The following CHMP6 variants were observed in gnomAD, a reference collection of about 807,000 sequenced individuals.
CHMP6 encodes chromatin-modifying protein 6.
In CHMP6, 10 loss-of-function variants were observed where a neutral mutation model predicts 32.8. That is an observed-to-expected ratio of 0.30 (90% CI 0.19 to 0.52). CHMP6 has a LOEUF of 0.52. Ranked by LOEUF, CHMP6 falls within the 20% of genes least tolerant of loss-of-function variation. The pLI, the probability that CHMP6 is intolerant of heterozygous loss-of-function variation, is 0.97. For missense variants in CHMP6, 269 were observed against 263.8 expected (o/e 1.02, Z -0.14); for synonymous variants, 123 against 105.8 (o/e 1.16, Z -1.00).
chr17:80,991,857 T>C lies in CHMP6; in HGVS notation c.-62T>C, dbSNP rs1480936411. ...CGTAGCGGGAGGACCCGAGCTACGGTGGCCGCGGGGCGGCGGTGGCGATTG... is the reference window on the plus strand; with the variant it reads ...CGTAGCGGGAGGACCCGAGCTACGGCGGCCGCGGGGCGGCGGTGGCGATTG... On this transcript the variant is annotated 5_prime_UTR_variant, in exon 1 of 8. Transcript: ENST00000325167. 6 of 1,280,838 alleles carry C rather than the reference T, an allele frequency of 4.7e-6. No individual in the cohort carries two copies. Among genetic ancestry groups the C allele is most frequent in the Non-Finnish European group, 6.0e-6 (6 of 992,536 alleles). 79.3% of individuals were successfully genotyped at this position (1,280,838 alleles called of 1,614,324 possible). A position where few individuals can be genotyped will look rare whatever the true frequency, so the allele number is the denominator to read the frequency against.
At chr17:80,992,669 G>C (rs961555028) in intron 1 of CHMP6, among the ~76,000 whole-genome samples, 6 of 152,184 alleles carry the variant, frequency 3.9e-5, no homozygotes, top group Admixed American at 1.3e-4. Flanking sequence ...TGACCCCCCG[G>C]GGCACAGCCG....
intron 3 of CHMP6, 21 bp downstream of exon 3, chr17:80,995,127 C>T (rs770049765): frequency 6.3e-7 from 1 of 1,584,716 alleles, no homozygotes; most frequent in Non-Finnish European, 8.6e-7. Flanking sequence ...GGGTGCTTCG[C>T]CCTGGAGTGC....
chr17:80,999,116 C>A lies in CHMP6; in HGVS notation c.569C>A (p.Ala190Asp), dbSNP rs149377306. The A allele has an allele frequency of 1.4e-4, 221 of 1,613,954 alleles. 1 individual carries two copies. In the African/African-American group the frequency reaches 2.9e-3, roughly 21 times the overall value. The part of the protein sequence containing the change: ...EKIPENVPVK[A>D]RPRQAELVAA... ...TCCACAGAAAACGTCCCTGTCAAGG[C>A]CAGGCCCAGGCAGGCGGAGCTGGTG... The change falls in exon 8 of 8, where the codon GCC (alanine) becomes GAC (aspartate). Residue 190 changes from alanine (A) to aspartate (D), a missense_variant. Ala to Asp is a moderately radical substitution (Grantham distance 126, BLOSUM62 -2). Transcript: ENST00000325167.
At position 80,999,347 on chromosome 17, in the gene CHMP6, A is replaced by G; in HGVS notation, c.*194A>G. The G allele has an allele frequency of 1.7e-6, 1 of 580,938 alleles. No individual in the cohort carries two copies. The highest frequency in any genetic ancestry group is 3.1e-6 in the Non-Finnish European group (1 of 326,442). The allele number at this position is 580,938 out of a possible 1,614,324, so 36.0% of individuals were successfully genotyped here. A position where few individuals can be genotyped will look rare whatever the true frequency, so the allele number is the denominator to read the frequency against. ...GGAGACCTTGAGCCTGAACGCACTC[A>G]GGCGCCACTGGCCTGCTCTCAGTCC... On this transcript the variant is annotated 3_prime_UTR_variant, in exon 8 of 8. Transcript: ENST00000325167.
At chr17:80,994,267 C>T (rs533863903) in intron 1 of CHMP6, among the ~76,000 whole-genome samples, 2 of 152,332 alleles carry the variant, frequency 1.3e-5, no homozygotes, top group South Asian at 2.1e-4. Flanking sequence ...GCCTAGAGTG[C>T]TTGTACCGCT....
At chr17:80,993,728 A>G (rs1167395676) in intron 1 of CHMP6, among the ~76,000 whole-genome samples, 2 of 152,202 alleles carry the variant, frequency 1.3e-5, no homozygotes, top group Non-Finnish European at 2.9e-5. Flanking sequence ...GACGGCACAC[A>G]GATGAGAGGC....
At chr17:80,992,092 G>GA (rs2069597199) in intron 1 of CHMP6, 111 bp downstream of exon 1, 1 of 707,556 alleles carries the variant, frequency 1.4e-6, no homozygotes, top group Admixed American at 4.7e-5. Context: ...TTCGGATGGG[G>GA]AAACTGAGGC....
chr17:80,995,699 G>C lies in CHMP6; in HGVS notation c.289G>C (p.Glu97Gln). The change falls in exon 4 of 8, where the codon GAA (glutamate) becomes CAA (glutamine). Residue 97 changes from glutamate (E) to glutamine (Q), a missense_variant. Glu to Gln is a conservative substitution (Grantham distance 29). Transcript: ENST00000325167. ...MVQSIEFTQI[E>Q]MKVMEGLQFG... ...TCAGAGTATTGAGTTCACCCAGATC[G>C]AAATGAAAGTGATGGAGGGGCTGCA... is the stretch of plus-strand genomic sequence containing the variant. 1.1e-5 allele frequency: 17 copies of C among 1,614,072 alleles called. No individual in the cohort carries two copies. The highest frequency in any genetic ancestry group is 1.4e-5 in the Non-Finnish European group (17 of 1,179,952).
intron 6 of CHMP6, 106 bp from the exon 7 acceptor site, chr17:80,998,260 C>T (rs113480001): frequency 4.5e-5 from 60 of 1,334,186 alleles, no homozygotes; most frequent in African/African-American, 4.4e-5. Flanking sequence ...GCTTTAACTC[C>T]GGCTGAGAGC....
rs1128705 is a variant in CHMP6, at chr17:81,000,101, C to G, written c.*948C>G. ...GCGGCCACCTCGACCCCCAGACAGGCCGGCCCGTATTAAAGTTGGCCCTGC... is the reference window on the plus strand; with the variant it reads ...GCGGCCACCTCGACCCCCAGACAGGGCGGCCCGTATTAAAGTTGGCCCTGC... On this transcript the variant is annotated 3_prime_UTR_variant, in exon 8 of 8. Coordinates refer to ENST00000325167, the MANE Select transcript of CHMP6 (RefSeq NM_024591.5). 57,241 of 152,118 alleles carry G rather than the reference C, an allele frequency of 0.38. 11,184 individuals are homozygous for G. The highest frequency in any genetic ancestry group is 0.45 in the Admixed American group (6,916 of 15,288). The allele number at this position is 152,118 out of a possible 1,614,324, so 9.4% of individuals were successfully genotyped here. A position where few individuals can be genotyped will look rare whatever the true frequency, so the allele number is the denominator to read the frequency against.
intron 6 of CHMP6, among the ~76,000 whole-genome samples, chr17:80,997,748 T>C (rs1241486645): frequency 2.0e-5 from 3 of 152,100 alleles, no homozygotes; most frequent in Non-Finnish European, 2.9e-5. Context: ...ACACAGGGGT[T>C]GTCCTCTCTG....
intron 1 of CHMP6, among the ~76,000 whole-genome samples, chr17:80,993,885 G>A (rs1017248834): frequency 6.6e-6 from 1 of 152,128 alleles, no homozygotes; most frequent in Non-Finnish European, 1.5e-5. Flanking sequence ...GGTGGCACTT[G>A]GGTACTCGCC....
In CHMP6 at chr17:80,999,288, A is replaced by G. The variant is rs1568030004; in HGVS notation, c.*135A>G. The G allele has an allele frequency of 1.0e-6, 1 of 965,876 alleles. No homozygotes were observed. The allele number at this position is 965,876 out of a possible 1,614,324, so 59.8% of individuals were successfully genotyped here. ...GTGCTGAGCAGAGCTGCAGCCACGC[A>G]GGCGCATTGCAGGAGGACTCCAGAG... On this transcript the variant is annotated 3_prime_UTR_variant, in exon 8 of 8. Coordinates refer to ENST00000325167, the MANE Select transcript of CHMP6 (RefSeq NM_024591.5).
At chr17:80,996,622 C>T (rs1040889015) in intron 4 of CHMP6, among the ~76,000 whole-genome samples, 1 of 152,226 alleles carries the variant, frequency 6.6e-6, no homozygotes, top group Non-Finnish European at 1.5e-5. Flanking sequence ...AATGTTCTAC[C>T]TGTTGCTTGT....
At position 80,999,184 on chromosome 17, in the gene CHMP6, TGCCCCAGGGACTGTG is replaced by T. The variant is rs1374097580; in HGVS notation, c.*36_*50del. ...CCTCGTCTTGTGGGACTCACGGGGA[TGCCCCAGGGACTGTG>T]GCCCACAGAGAGTTTGGGTCACGGC... On this transcript the variant is annotated 3_prime_UTR_variant, in exon 8 of 8. Coordinates refer to ENST00000325167, the MANE Select transcript of CHMP6 (RefSeq NM_024591.5). 1 of 1,613,080 alleles carries T rather than the reference TGCCCCAGGGACTGTG, an allele frequency of 6.2e-7. No individual in the cohort carries two copies.
chr17:80,995,899 CCAGG>C (rs1340391112), intron 4 of CHMP6, 141 bp downstream of exon 4: 7 of 707,880 alleles, frequency 9.9e-6, no homozygotes, highest in Non-Finnish European at 1.6e-5. Flanking sequence ...TTGGGTGCTG[CCAGG>C]CAGGCAGGGA....
chr17:80,998,307 C>T, intron 6 of CHMP6, 59 bp from the exon 7 acceptor site: 1 of 1,602,514 alleles, frequency 6.2e-7, no homozygotes, highest in East Asian at 2.2e-5. Context: ...TCGGGGAGGC[C>T]CAGGCAGCCC....
intron 6 of CHMP6, 142 bp downstream of exon 6, chr17:80,997,483 A>C (rs8081168): frequency 0.31 from 162,565 of 517,096 alleles, 23,973 homozygotes; most frequent in African/African-American, 0.63. Flanking sequence ...TGGTTTTCCT[A>C]CCTGAGGTGA....
chr17:80,998,167 G>A (rs2069655160), intron 6 of CHMP6, among the ~76,000 whole-genome samples, 199 bp from the exon 7 acceptor site: 2 of 152,200 alleles, frequency 1.3e-5, no homozygotes, highest in Admixed American at 1.3e-4. Flanking sequence ...GGTAGCGGCT[G>A]CGTCACCACC....
Sources: gnomAD v4.1 joint callset for allele counts (sites outside exome capture counted in the v4.1 genomes callset) on GRCh38, gnomAD v4.1.1 for gene constraint, MANE v1.5 for transcripts, NCBI Gene and HGNC (gene_info 2026-07-23, HGNC 2026-07-21) for gene names.